TTC27: variants seen among roughly 807,000 people sequenced by gnomAD.
The protein encoded by TTC27 is tetratricopeptide repeat protein 27.
In TTC27, 79 loss-of-function variants were observed where a neutral mutation model predicts 115.9. The observed-to-expected ratio is 0.68, with a 90% confidence interval of 0.57 to 0.82. TTC27 has a LOEUF of 0.82. Among genes scored for constraint, TTC27 ranks in the 40% least tolerant of loss-of-function variants. The pLI, the probability that TTC27 is intolerant of heterozygous loss-of-function variation, is 0.00. For missense variants in TTC27, 1,054 were observed against 993.1 expected (o/e 1.06, Z -0.82); for synonymous variants, 401 against 356.0 (o/e 1.13, Z -1.42).
chr2:32,720,501 G>A (rs1464149211), intron 10 of TTC27, among the ~76,000 whole-genome samples: 1 of 152,098 alleles, frequency 6.6e-6, no homozygotes. Flanking sequence ...TTTTAGTGTA[G>A]TAACAAGCCC....
At chr2:32,780,912 T>G (rs185290560) in intron 14 of TTC27, among the ~76,000 whole-genome samples, 8 of 152,182 alleles carry the variant, frequency 5.3e-5, no homozygotes, top group Non-Finnish European at 1.2e-4. Flanking sequence ...TTTAATGTTT[T>G]ATTTGAGAAG....
At chr2:32,631,459 C>T (rs939696115) in intron 2 of TTC27, among the ~76,000 whole-genome samples, 5 of 152,124 alleles carry the variant, frequency 3.3e-5, no homozygotes, top group African/African-American at 1.2e-4. Context: ...TTACCTTCTT[C>T]CATTAAAGTT....
intron 13 of TTC27, among the ~76,000 whole-genome samples, chr2:32,773,806 C>G (rs975680706): frequency 2.6e-5 from 4 of 152,158 alleles, no homozygotes; most frequent in African/African-American, 9.7e-5. Context: ...GAAAGAAGCT[C>G]AAGGGAGGAT....
At chr2:32,649,811 TG>T in intron 4 of TTC27, among the ~76,000 whole-genome samples, 1 of 152,024 alleles carries the variant, frequency 6.6e-6, no homozygotes, top group Non-Finnish European at 1.5e-5. Context: ...CCCAAAGTGT[TG>T]GGATTACAGG....
At chr2:32,696,802 A>G (rs1357286182) in intron 9 of TTC27, among the ~76,000 whole-genome samples, 5 of 152,210 alleles carry the variant, frequency 3.3e-5, no homozygotes, top group African/African-American at 1.2e-4. Flanking sequence ...TACTTTTTTC[A>G]TACAAAGATA....
chr2:32,804,504 T>A lies in TTC27; in HGVS notation c.1999-6520T>A, dbSNP rs148515565. On this transcript the variant is annotated intron_variant, in intron 16 of 19. Transcript: ENST00000317907. ...GAATTGCTAAATAGATTATGGTCTA[T>A]CAGTCCAGTGGAATATCTTGAATCT... 2.3e-3 allele frequency among the ~76,000 whole-genome samples: 355 copies of A among 152,308 alleles called. 3 individuals are homozygous for A. The East Asian group carries it at 0.049, about 21-fold the overall frequency.
At chr2:32,685,931 AGAGG>A (rs1666613411) in intron 9 of TTC27, among the ~76,000 whole-genome samples, 1 of 152,230 alleles carries the variant, frequency 6.6e-6, no homozygotes, top group Non-Finnish European at 1.5e-5. Flanking sequence ...ACCTTTATGC[AGAGG>A]TGACATGTTT....
intron 10 of TTC27, among the ~76,000 whole-genome samples, chr2:32,717,701 A>C (rs556453098): frequency 6.6e-6 from 1 of 152,344 alleles, no homozygotes; most frequent in South Asian, 2.1e-4. Context: ...TCAGGACTTT[A>C]AATGAAGTCA....
intron 16 of TTC27, among the ~76,000 whole-genome samples, chr2:32,796,707 GAAC>G (rs1325220116): frequency 6.6e-6 from 1 of 151,994 alleles, no homozygotes; most frequent in African/African-American, 2.4e-5. Context: ...CTTTTAAAAA[GAAC>G]AACAAAGCTA....
At chr2:32,770,332 G>A (rs745388341) in intron 13 of TTC27, among the ~76,000 whole-genome samples, 18 of 152,280 alleles carry the variant, frequency 1.2e-4, no homozygotes, top group Non-Finnish European at 2.1e-4. Context: ...TAAGTAATTT[G>A]TACTAGATTT....
At chr2:32,685,404 T>A (rs1666596496) in intron 9 of TTC27, among the ~76,000 whole-genome samples, 4 of 152,188 alleles carry the variant, frequency 2.6e-5, no homozygotes, top group African/African-American at 9.6e-5. Flanking sequence ...CTTCTACAGT[T>A]AACCATGTCT....
intron 10 of TTC27, among the ~76,000 whole-genome samples, chr2:32,707,259 G>A (rs1460622166): frequency 6.6e-6 from 1 of 152,216 alleles, no homozygotes; most frequent in African/African-American, 2.4e-5. Flanking sequence ...AGAGCATGGT[G>A]TCAGGATGTG....
chr2:32,807,643 C>G (rs181882017), intron 16 of TTC27, among the ~76,000 whole-genome samples: 4 of 152,216 alleles, frequency 2.6e-5, no homozygotes, highest in Admixed American at 2.0e-4. Context: ...GGTTTCTCTT[C>G]ATTTTTTGTG....
intron 16 of TTC27, among the ~76,000 whole-genome samples, chr2:32,800,500 T>C (rs1013475647): frequency 4.7e-5 from 7 of 148,674 alleles, no homozygotes; most frequent in African/African-American, 1.7e-4. Context: ...TATTTTATTT[T>C]TATCATTATT....
intron 10 of TTC27, among the ~76,000 whole-genome samples, chr2:32,721,948 G>T (rs150872129): frequency 1.9e-3 from 287 of 152,304 alleles, no homozygotes; most frequent in African/African-American, 6.5e-3. Context: ...GTAGGGTGGG[G>T]ATGGCTGTCA....
At chr2:32,709,293 C>T (rs1047403685) in intron 10 of TTC27, among the ~76,000 whole-genome samples, 1 of 152,098 alleles carries the variant, frequency 6.6e-6, no homozygotes, top group African/African-American at 2.4e-5. Flanking sequence ...GGAAAGATGT[C>T]AGTTTTACAG....
chr2:32,760,517 T>C (rs1669399063), intron 13 of TTC27, among the ~76,000 whole-genome samples: 1 of 152,158 alleles, frequency 6.6e-6, no homozygotes, highest in Non-Finnish European at 1.5e-5. Flanking sequence ...TTATCTGGCC[T>C]GTCATGCCAC....
At chr2:32,807,159 G>A (rs575072358) in intron 16 of TTC27, among the ~76,000 whole-genome samples, 6 of 152,126 alleles carry the variant, frequency 3.9e-5, no homozygotes, top group African/African-American at 1.4e-4. Context: ...ATTCATGTGT[G>A]TCATCATTTT....
At chr2:32,792,709 G>T (rs555999748) in intron 16 of TTC27, among the ~76,000 whole-genome samples, 1 of 152,128 alleles carries the variant, frequency 6.6e-6, no homozygotes, top group Non-Finnish European at 1.5e-5. Context: ...TTTTGTAATG[G>T]GTTAAGGCAG....
Sources: gnomAD v4.1 joint callset for allele counts (sites outside exome capture counted in the v4.1 genomes callset) on GRCh38, gnomAD v4.1.1 for gene constraint, MANE v1.5 for transcripts, NCBI Gene and HGNC (gene_info 2026-07-23, HGNC 2026-07-21) for gene names.